Variants in DCDC2C observed in about 807,000 individuals in gnomAD.
The protein encoded by DCDC2C is doublecortin domain containing 2C, also known as doublecortin domain-containing protein 2C.
A neutral mutation model predicts 45.0 loss-of-function variants in DCDC2C; 44 were observed. The observed-to-expected ratio is 0.98, with a 90% confidence interval of 0.77 to 1.26. The LOEUF is 1.26. Ranked by LOEUF, DCDC2C falls within the 50% of genes most tolerant of loss-of-function variation. The pLI is 0.00. For synonymous variants in DCDC2C, 187 were observed against 178.8 expected, an observed-to-expected ratio of 1.05 and a Z score of -0.37; for missense variants, 447 against 468.9, an observed-to-expected ratio of 0.95 and a Z score of 0.43.
intron 10 of DCDC2C, among the ~76,000 whole-genome samples, chr2:3,825,261 C>T (rs183751418): frequency 3.6e-4 from 55 of 152,326 alleles, no homozygotes; most frequent in African/African-American, 1.3e-3. Context: ...CCTATATGCA[C>T]CAAAACTCTT....
intron 10 of DCDC2C, among the ~76,000 whole-genome samples, chr2:3,835,071 C>A (rs965408158): frequency 6.6e-6 from 1 of 152,208 alleles, no homozygotes; most frequent in Non-Finnish European, 1.5e-5. Flanking sequence ...TTCCATTATT[C>A]CCATAAATAC....
At chr2:3,844,310 C>T in intron 10 of DCDC2C, 1 of 153,148 alleles carries the variant, frequency 6.5e-6, no homozygotes, top group East Asian at 1.9e-4. Context: ...CCTGGGACAG[C>T]CACACCCAGA....
intron 4 of DCDC2C, among the ~76,000 whole-genome samples, chr2:3,749,742 G>A (rs1005265943): frequency 6.6e-6 from 1 of 152,146 alleles, no homozygotes; most frequent in African/African-American, 2.4e-5. Flanking sequence ...TCCACTCAGC[G>A]GGCATCTCCC....
chr2:3,794,886 G>A (rs955233245), intron 10 of DCDC2C, among the ~76,000 whole-genome samples: 98 of 151,848 alleles, frequency 6.5e-4, no homozygotes, highest in Non-Finnish European at 1.3e-3. Flanking sequence ...ACCCAGTAAT[G>A]GGATGGCTGG....
At chr2:3,826,445 T>C (rs2148229352) in intron 10 of DCDC2C, among the ~76,000 whole-genome samples, 1 of 152,320 alleles carries the variant, frequency 6.6e-6, no homozygotes, top group East Asian at 1.9e-4. Flanking sequence ...ATATAATGCT[T>C]GGGAAAGTGC....
intron 10 of DCDC2C, among the ~76,000 whole-genome samples, chr2:3,812,248 C>T (rs1336243082): frequency 6.6e-6 from 1 of 151,754 alleles, no homozygotes; most frequent in Non-Finnish European, 1.5e-5. Context: ...TAATTACTGC[C>T]TCAATTTCAG....
chr2:3,742,556 C>T (rs1669248115), intron 4 of DCDC2C, among the ~76,000 whole-genome samples: 1 of 152,228 alleles, frequency 6.6e-6, no homozygotes, highest in Non-Finnish European at 1.5e-5. Context: ...CTCCTCTCCG[C>T]CATCTGTGTC....
chr2:3,820,047 G>A (rs1671649386), intron 10 of DCDC2C, among the ~76,000 whole-genome samples: 1 of 152,156 alleles, frequency 6.6e-6, no homozygotes, highest in Non-Finnish European at 1.5e-5. Context: ...GAGACCGAAG[G>A]AACAGACAGG....
At chr2:3,776,312 G>A (rs572956421) in intron 8 of DCDC2C, among the ~76,000 whole-genome samples, 8 of 152,228 alleles carry the variant, frequency 5.3e-5, no homozygotes, top group South Asian at 2.1e-4. Flanking sequence ...CCCCTCATGC[G>A]TGGAGCTGGT....
intron 2 of DCDC2C, among the ~76,000 whole-genome samples, chr2:3,718,731 T>C (rs1668414467): frequency 6.6e-6 from 1 of 152,190 alleles, no homozygotes; most frequent in Admixed American, 6.5e-5. Context: ...TTTCCTATTG[T>C]GTCTGGAGTT....
intron 10 of DCDC2C, among the ~76,000 whole-genome samples, chr2:3,838,626 T>C (rs1333017672): frequency 6.6e-6 from 1 of 151,878 alleles, no homozygotes; most frequent in Non-Finnish European, 1.5e-5. Flanking sequence ...GGGAGGAGGA[T>C]GGGGTAAAGA....
intron 3 of DCDC2C, among the ~76,000 whole-genome samples, chr2:3,740,229 T>TG (rs1363850514): frequency 6.6e-6 from 1 of 152,274 alleles, no homozygotes; most frequent in Non-Finnish European, 1.5e-5. Flanking sequence ...CAGTCATCCA[T>TG]ACTTAGACAT....
At chr2:3,719,287 A>T (rs895339448) in intron 2 of DCDC2C, among the ~76,000 whole-genome samples, 1 of 152,094 alleles carries the variant, frequency 6.6e-6, no homozygotes. Flanking sequence ...GTGTTTCACC[A>T]TGTTAGCTAG....
intron 10 of DCDC2C, among the ~76,000 whole-genome samples, chr2:3,825,723 T>G (rs1437503010): frequency 1.3e-5 from 2 of 152,070 alleles, no homozygotes; most frequent in African/African-American, 2.4e-5. Flanking sequence ...ACAGTGGGGA[T>G]CCTGGGGGCT....
intron 10 of DCDC2C, among the ~76,000 whole-genome samples, chr2:3,843,416 C>T (rs983567326): frequency 2.6e-5 from 4 of 152,214 alleles, no homozygotes; most frequent in Non-Finnish European, 5.9e-5. Flanking sequence ...GCTGAGCGAC[C>T]TGGCCCCTCT....
intron 2 of DCDC2C, among the ~76,000 whole-genome samples, chr2:3,713,242 C>T (rs972650369): frequency 6.6e-6 from 1 of 152,072 alleles, no homozygotes. Flanking sequence ...GATGTTCAAG[C>T]CCTTACATCA....
chr2:3,763,260 C>G (rs943676191), intron 6 of DCDC2C, among the ~76,000 whole-genome samples: 1 of 152,136 alleles, frequency 6.6e-6, no homozygotes, highest in Non-Finnish European at 1.5e-5. Flanking sequence ...GTCCCCAGCA[C>G]AGCCCCAGGA....
chr2:3,827,246 T>G (rs1409106373), intron 10 of DCDC2C, among the ~76,000 whole-genome samples: 1 of 150,266 alleles, frequency 6.7e-6, no homozygotes, highest in African/African-American at 2.5e-5. Context: ...ACATATGGAG[T>G]GGAGGACATC....
intron 10 of DCDC2C, among the ~76,000 whole-genome samples, chr2:3,826,452 G>C (rs1017240319): frequency 6.6e-6 from 1 of 152,134 alleles, no homozygotes; most frequent in Non-Finnish European, 1.5e-5. Flanking sequence ...GCTTGGGAAA[G>C]TGCTTTGCAA....
Sources: allele counts gnomAD v4.1 joint callset (sites outside exome capture counted in the v4.1 genomes callset), GRCh38; gene constraint gnomAD v4.1.1; transcripts MANE v1.5; gene names NCBI Gene and HGNC (gene_info 2026-07-23, HGNC 2026-07-21).